The following DOCK4 variants were observed in gnomAD, a reference collection of about 807,000 sequenced individuals.
DOCK4 encodes the protein dedicator of cytokinesis protein 4.
A neutral mutation model predicts 268.1 loss-of-function variants in DOCK4; 97 were observed. The observed-to-expected ratio is 0.36, with a 90% CI of 0.31 to 0.43. The LOEUF is 0.43. Ranked by LOEUF, DOCK4 falls within the 20% of genes least tolerant of loss-of-function variation. The pLI, the probability that DOCK4 is intolerant of heterozygous loss-of-function variation, is 1.00. For synonymous variants in DOCK4, 954 were observed against 887.2 expected (o/e 1.08, Z -1.34); for missense variants, 2,145 against 2,455.7 (o/e 0.87, Z 2.67).
intron 25 of DOCK4, among the ~76,000 whole-genome samples, chr7:111,843,954 A>G (rs781504302): frequency 3.9e-5 from 6 of 152,188 alleles, no homozygotes; most frequent in Non-Finnish European, 7.4e-5. Flanking sequence ...TTAATTGCAG[A>G]AAGCCAGCTT....
chr7:111,910,130 T>C (rs1213975061), intron 13 of DOCK4, among the ~76,000 whole-genome samples: 1 of 152,144 alleles, frequency 6.6e-6, no homozygotes, highest in Non-Finnish European at 1.5e-5. Flanking sequence ...GGTACAGGCA[T>C]GAAAGCTTAA....
chr7:112,162,540 C>CT (rs1817229007), intron 1 of DOCK4, among the ~76,000 whole-genome samples: 1 of 151,788 alleles, frequency 6.6e-6, no homozygotes, highest in African/African-American at 2.4e-5. Context: ...TCTCTCTCCC[C>CT]CCTCTCCCTG....
intron 1 of DOCK4, among the ~76,000 whole-genome samples, chr7:112,022,302 G>C (rs1802390631): frequency 6.6e-6 from 1 of 152,234 alleles, no homozygotes; most frequent in African/African-American, 2.4e-5. Context: ...TCTGCAGTAG[G>C]TATTCTTATC....
rs78504063 is a variant in DOCK4, at chr7:111,943,990, G to C, written c.844+821C>G. Among the ~76,000 whole-genome samples the C allele has an allele frequency of 5.8e-3, 880 of 152,312 alleles. 11 individuals are homozygous for C. The highest frequency in any genetic ancestry group is 0.02 in the African/African-American group (847 of 41,570). ...CAAGTAATGGAGTACAGTTAGTGAA[G>C]AAGTGGGAATGAATTCCCAATAATG... On this transcript the variant is annotated intron_variant, in intron 10 of 52. Coordinates refer to ENST00000428084, the MANE Select transcript of DOCK4 (RefSeq NM_001363540.2).
chr7:111,876,596 T>C (rs1586242256), intron 17 of DOCK4, among the ~76,000 whole-genome samples: 1 of 152,288 alleles, frequency 6.6e-6, no homozygotes. Flanking sequence ...TTATTAATCA[T>C]AACTTGCTAA....
chr7:111,812,233 T>G (rs918256929), intron 27 of DOCK4, among the ~76,000 whole-genome samples: 6 of 149,642 alleles, frequency 4.0e-5, no homozygotes, highest in Admixed American at 1.3e-4. Context: ...TAATGTTTTT[T>G]GTTAATTTCC....
intron 23 of DOCK4, among the ~76,000 whole-genome samples, chr7:111,860,743 T>C (rs1316438386): frequency 6.6e-6 from 1 of 152,166 alleles, no homozygotes; most frequent in Non-Finnish European, 1.5e-5. Flanking sequence ...CTTACCATAG[T>C]ACATACTCTC....
intron 1 of DOCK4, among the ~76,000 whole-genome samples, chr7:112,191,431 G>A (rs1819942130): frequency 6.7e-6 from 1 of 148,898 alleles, no homozygotes; most frequent in Non-Finnish European, 1.5e-5. Flanking sequence ...TGGCTCCTCT[G>A]TCACCACTGT....
intron 1 of DOCK4, among the ~76,000 whole-genome samples, chr7:112,015,064 TGAATTAGGATGTTGGCA>T (rs533331623): frequency 6.6e-6 from 1 of 152,218 alleles, no homozygotes; most frequent in South Asian, 2.1e-4. Context: ...AGTCATAGGA[TGAATTAGGATGTTGGCA>T]GGGCTAAAAT....
chr7:112,191,037 C>G (rs1819907319), intron 1 of DOCK4, among the ~76,000 whole-genome samples: 1 of 152,022 alleles, frequency 6.6e-6, no homozygotes, highest in South Asian at 2.1e-4. Flanking sequence ...TTTTTCTAGC[C>G]CCCTACCTTC....
At chr7:112,127,954 G>A (rs1044130681) in intron 1 of DOCK4, among the ~76,000 whole-genome samples, 2 of 152,226 alleles carry the variant, frequency 1.3e-5, no homozygotes, top group East Asian at 1.9e-4. Context: ...GCTTGAACCC[G>A]GGAGGCAGAG....
chr7:111,945,056 T>C (rs923496051), intron 9 of DOCK4, among the ~76,000 whole-genome samples, 185 bp from the exon 10 acceptor site: 1 of 152,230 alleles, frequency 6.6e-6, no homozygotes, highest in African/African-American at 2.4e-5. Context: ...CTTAGGTCAA[T>C]TGATACCAAG....
At chr7:111,914,218 T>C in intron 13 of DOCK4, among the ~76,000 whole-genome samples, 1 of 152,048 alleles carries the variant, frequency 6.6e-6, no homozygotes, top group Non-Finnish European at 1.5e-5. Context: ...ACTCTCGCCA[T>C]CTCCACTGCT....
chr7:112,009,978 G>A (rs572583271), intron 1 of DOCK4, among the ~76,000 whole-genome samples: 2 of 152,184 alleles, frequency 1.3e-5, no homozygotes, highest in South Asian at 4.2e-4. Context: ...CACCACACCT[G>A]GCTAATGTTT....
intron 1 of DOCK4, among the ~76,000 whole-genome samples, chr7:112,093,210 T>C (rs966642032): frequency 1.3e-5 from 2 of 152,104 alleles, no homozygotes; most frequent in African/African-American, 2.4e-5. Context: ...GATCACCTGA[T>C]CACAAATAAA....
At chr7:111,980,453 T>C (rs1798525913) in intron 7 of DOCK4, among the ~76,000 whole-genome samples, 1 of 152,240 alleles carries the variant, frequency 6.6e-6, no homozygotes, top group African/African-American at 2.4e-5. Flanking sequence ...ACAGTTGAAC[T>C]AGCTCTTTGA....
At chr7:111,961,504 A>C (rs1796893168) in intron 8 of DOCK4, among the ~76,000 whole-genome samples, 1 of 152,206 alleles carries the variant, frequency 6.6e-6, no homozygotes, top group Non-Finnish European at 1.5e-5. Context: ...CACCTTTGGG[A>C]GGATAAACCT....
At chr7:111,742,351 T>C (rs1055764867) in intron 44 of DOCK4, among the ~76,000 whole-genome samples, 25 of 152,356 alleles carry the variant, frequency 1.6e-4, no homozygotes, top group African/African-American at 5.8e-4. Flanking sequence ...AACTTGGTTC[T>C]GATTTCAGAC....
chr7:112,146,790 C>G (rs933027767), intron 1 of DOCK4, among the ~76,000 whole-genome samples: 14 of 152,116 alleles, frequency 9.2e-5, no homozygotes, highest in African/African-American at 3.1e-4. Context: ...GCTTCGATAT[C>G]TCTTCATCCC....
Sources: allele counts gnomAD v4.1 joint callset (sites outside exome capture counted in the v4.1 genomes callset), GRCh38; gene constraint gnomAD v4.1.1; transcripts MANE v1.5; gene names NCBI Gene and HGNC (gene_info 2026-07-23, HGNC 2026-07-21).